The following TNKS variants were observed in gnomAD, a reference collection of about 807,000 sequenced individuals.
TNKS encodes poly [ADP-ribose] polymerase tankyrase-1.
A neutral mutation model predicts 135.8 loss-of-function variants in TNKS; 72 were observed. That is an observed-to-expected ratio of 0.53 (90% CI 0.44 to 0.64). The LOEUF (loss-of-function observed/expected upper bound fraction) is 0.64. Among genes scored for constraint, TNKS ranks in the 30% least tolerant of loss-of-function variants. TNKS has a pLI of 0.00. For missense variants in TNKS, 1,769 were observed against 1,674.0 expected (o/e 1.06, Z -0.99); for synonymous variants, 849 against 649.3 (o/e 1.31, Z -4.68).
chr8:9,708,204 T>A (rs1006066276), intron 8 of TNKS, among the ~76,000 whole-genome samples, 167 bp from the exon 9 acceptor site: 1 of 152,190 alleles, frequency 6.6e-6, no homozygotes, highest in Admixed American at 6.5e-5. Context: ...TTCACATTAA[T>A]CTACATCCTC....
At chr8:9,642,473 C>G (rs899948707) in intron 3 of TNKS, among the ~76,000 whole-genome samples, 11 of 145,950 alleles carry the variant, frequency 7.5e-5, no homozygotes, top group Non-Finnish European at 1.7e-4. Flanking sequence ...ACTATGTGGG[C>G]TGAGGACAAA....
intron 2 of TNKS, among the ~76,000 whole-genome samples, chr8:9,614,808 G>T (rs528433571): frequency 7.2e-5 from 11 of 152,210 alleles, no homozygotes; most frequent in African/African-American, 2.6e-4. Flanking sequence ...ACCAGATGTG[G>T]CTGATAAATG....
At chr8:9,625,987 A>C (rs1317402140) in intron 3 of TNKS, among the ~76,000 whole-genome samples, 3 of 152,134 alleles carry the variant, frequency 2.0e-5, no homozygotes, top group African/African-American at 7.2e-5. Context: ...TTGTTCTATC[A>C]GTTGTTGAGT....
intron 1 of TNKS, among the ~76,000 whole-genome samples, chr8:9,572,491 C>T (rs1797793071): frequency 6.6e-6 from 1 of 152,202 alleles, no homozygotes; most frequent in Admixed American, 6.5e-5. Context: ...TCCTCTATCT[C>T]TCTTACGTTT....
At chr8:9,719,766 C>A (rs1183789538) in intron 11 of TNKS, among the ~76,000 whole-genome samples, 1 of 152,146 alleles carries the variant, frequency 6.6e-6, no homozygotes, top group Non-Finnish European at 1.5e-5. Context: ...TTCACATTGT[C>A]TTAAGCAGTC....
chr8:9,732,502 T>G (rs1461506017), intron 14 of TNKS, among the ~76,000 whole-genome samples: 1 of 152,026 alleles, frequency 6.6e-6, no homozygotes, highest in East Asian at 1.9e-4. Flanking sequence ...TATTTCAAAC[T>G]GTTTCAGTGC....
At chr8:9,616,917 T>C (rs1799665734) in intron 3 of TNKS, among the ~76,000 whole-genome samples, 1 of 152,172 alleles carries the variant, frequency 6.6e-6, no homozygotes, top group South Asian at 2.1e-4. Flanking sequence ...AACAAAGCCC[T>C]GGGCAACAAT....
rs1369823548 is a variant in TNKS at position 9,734,933 on chromosome 8, C to G, written c.2382C>G (p.Asp794Glu). 6.2e-7 allele frequency: 1 copy of G among 1,614,138 alleles called. No homozygotes were observed. Among genetic ancestry groups the G allele is most frequent in the South Asian group, 1.1e-5 (1 of 91,076 alleles). Reference protein sequence around the residue: ...NTPLDLVKEGDTDIQDLLRGD... With the variant: ...NTPLDLVKEGETDIQDLLRGD... ...CTTTGGATTTGGTAAAGGAAGGAGA[C>G]ACAGATATTCAGGACTTACTGAGAG... is the stretch of plus-strand genomic sequence containing the variant. The change falls in exon 16 of 27, where the codon GAC becomes GAG. Residue 794 changes from aspartate to glutamate, a missense_variant. Physicochemically the swap from Asp to Glu is conservative, Grantham distance 45. Around this residue, in one of 5 missense-constraint regions of TNKS, gnomAD observed 722 missense variants for 688.9 expected, o/e 1.05. Coordinates refer to ENST00000310430, the MANE Select transcript of TNKS (RefSeq NM_003747.3).
intron 25 of TNKS, 133 bp downstream of exon 25, chr8:9,766,558 C>T: frequency 2.8e-6 from 2 of 716,096 alleles, no homozygotes. Context: ...ACGATCCTGG[C>T]TCACGCAACC....
intron 5 of TNKS, among the ~76,000 whole-genome samples, chr8:9,703,324 G>A (rs527509540): frequency 1.3e-5 from 2 of 152,226 alleles, no homozygotes; most frequent in South Asian, 2.1e-4. Context: ...GTTTGTTTCT[G>A]GAATTCCACA....
chr8:9,692,467 A>G (rs1355178992), intron 5 of TNKS, among the ~76,000 whole-genome samples: 4 of 152,210 alleles, frequency 2.6e-5, no homozygotes, highest in African/African-American at 7.2e-5. Context: ...TTAATATGTT[A>G]AACAGCCTTA....
intron 2 of TNKS, among the ~76,000 whole-genome samples, chr8:9,602,275 G>C (rs933273143): frequency 2.0e-5 from 3 of 152,202 alleles, no homozygotes; most frequent in African/African-American, 7.2e-5. Context: ...GCAAAAAGAA[G>C]GGGAAGCTAA....
intron 20 of TNKS, among the ~76,000 whole-genome samples, chr8:9,754,884 A>G (rs1295277883): frequency 1.3e-5 from 2 of 152,186 alleles, no homozygotes; most frequent in Non-Finnish European, 2.9e-5. Flanking sequence ...TTCTTAGGAC[A>G]ATATCCTAAA....
intron 2 of TNKS, among the ~76,000 whole-genome samples, chr8:9,587,850 A>G (rs909866646): frequency 3.9e-5 from 6 of 152,246 alleles, no homozygotes; most frequent in Non-Finnish European, 8.8e-5. Context: ...TTATAAAAAC[A>G]TCTTACAGCG....
At chr8:9,644,859 T>G (rs1800858125) in intron 3 of TNKS, among the ~76,000 whole-genome samples, 1 of 152,136 alleles carries the variant, frequency 6.6e-6, no homozygotes, top group African/African-American at 2.4e-5. Context: ...GTTTTTCATT[T>G]TTAGTACAGT....
At chr8:9,676,746 T>C (rs1293006548) in intron 3 of TNKS, among the ~76,000 whole-genome samples, 1 of 151,594 alleles carries the variant, frequency 6.6e-6, no homozygotes, top group Non-Finnish European at 1.5e-5. Flanking sequence ...TTCTTTCATA[T>C]CATTACTATT....
intron 25 of TNKS, 88 bp downstream of exon 25, chr8:9,766,513 T>A: frequency 3.7e-4 from 399 of 1,076,726 alleles, no homozygotes; most frequent in Non-Finnish European, 4.7e-4. Flanking sequence ...TGAGATGAAG[T>A]CTTGCTCTTG....
intron 5 of TNKS, among the ~76,000 whole-genome samples, chr8:9,698,197 C>T (rs936068715): frequency 1.3e-5 from 2 of 151,912 alleles, no homozygotes; most frequent in African/African-American, 4.8e-5. Context: ...GGGATCTAAA[C>T]ATTGAGCACA....
intron 3 of TNKS, among the ~76,000 whole-genome samples, chr8:9,678,133 T>C (rs1393537726): frequency 1.3e-5 from 2 of 152,234 alleles, no homozygotes; most frequent in Non-Finnish European, 2.9e-5. Context: ...ATAGTGTCTT[T>C]CGCGTTAAAA....
Sources: allele counts gnomAD v4.1 joint callset (sites outside exome capture counted in the v4.1 genomes callset), GRCh38; gene constraint gnomAD v4.1.1; regional missense constraint gnomAD v4.1.1; transcripts MANE v1.5; gene names NCBI Gene and HGNC (gene_info 2026-07-23, HGNC 2026-07-21).